Variants in ZNF16 observed in about 807,000 individuals in gnomAD.
ZNF16 encodes the protein zinc finger protein KOX9.
In ZNF16, 7 loss-of-function variants were observed where a neutral mutation model predicts 9.0. The observed-to-expected ratio is 0.78, with a 90% CI of 0.44 to 1.47. ZNF16 has a LOEUF of 1.47. Among genes scored for constraint, ZNF16 ranks in the 40% most tolerant of loss-of-function variants. ZNF16 has a pLI of 0.01. For missense variants in ZNF16, 830 were observed against 854.2 expected (o/e 0.97, Z 0.35); for synonymous variants, 312 against 301.5 (o/e 1.03, Z -0.36).
In ZNF16 at chr8:144,933,539, G is replaced by A. The variant is rs754933074; in HGVS notation, c.197-949C>T. On this transcript the variant is annotated intron_variant, in intron 2 of 2. Transcript: ENST00000394909. This position sits in a 1 kb window ranked among gnomAD's most constrained non-coding sequence, Gnocchi z 5.6. ...TCCCTTACTCAAATGAAGATGTCAC[G>A]AGTCTCTCATTCAAACTGACATCCC... Among the ~76,000 whole-genome samples the A allele has an allele frequency of 6.6e-6, 1 of 152,018 alleles. No homozygotes were observed. The highest frequency in any genetic ancestry group is 1.9e-4 in the East Asian group (1 of 5,186).
Position 144,931,107 on chromosome 8 carries a change from G to A in ZNF16, c.1680C>T (p.Leu560=). 6.2e-7 allele frequency: 1 copy of A among 1,614,244 alleles called. No individual in the cohort carries two copies. Among genetic ancestry groups the A allele is most frequent in the Non-Finnish European group, 8.5e-7 (1 of 1,180,036 alleles). Residue 560 remains leucine, a synonymous_variant, in exon 3 of 3, where the codon CTC becomes CTT. Transcript: ENST00000394909. ...CATTATGAATCCTCTGATGCTGAAT[G>A]AGGGTTGAGCTCTGGCTGAAGGTTT... ...CGKTFSQSST[L]IQHQRIHNGL...
At chr8:144,944,052 T>C (rs995453077) in intron 2 of ZNF16, 2 of 150,584 alleles carry the variant, frequency 1.3e-5, no homozygotes, top group Admixed American at 6.6e-5. Flanking sequence ...TAGTTCTCTA[T>C]GGTTTTTTTT....
chr8:144,943,972 T>C (rs1199968363), intron 2 of ZNF16: 2 of 152,326 alleles, frequency 1.3e-5, no homozygotes, highest in East Asian at 3.9e-4. Flanking sequence ...AGACTTTCTA[T>C]GTTTCTTTTA....
At chr8:144,949,379 C>T (rs1834036708) in intron 1 of ZNF16, among the ~76,000 whole-genome samples, 2 of 152,248 alleles carry the variant, frequency 1.3e-5, no homozygotes, top group Non-Finnish European at 2.9e-5. Context: ...TCTCATGGAA[C>T]ACCAGGAACC....
At chr8:144,941,972 T>C (rs193300551) in intron 2 of ZNF16, among the ~76,000 whole-genome samples, 2,619 of 145,654 alleles carry the variant, frequency 0.018, 37 homozygotes, top group Middle Eastern at 0.037. Context: ...TGTCCATTTT[T>C]AAGATTTTTT....
Position 144,939,466 on chromosome 8 carries a change from C to T in ZNF16, c.196+6545G>A, listed in dbSNP as rs558512655. Reference sequence around the variant, plus strand: ...AAAAAATTAGCTGGGCATAGTGGCACGTGCCTGTAGTCCCAGCTACTCAGG... The same window carrying T: ...AAAAAATTAGCTGGGCATAGTGGCATGTGCCTGTAGTCCCAGCTACTCAGG... On this transcript the variant is annotated intron_variant, in intron 2 of 2. Coordinates refer to ENST00000394909, the MANE Select transcript of ZNF16 (RefSeq NM_006958.3). Among the ~76,000 whole-genome samples, 874 of 152,004 alleles carry T rather than the reference C, an allele frequency of 5.7e-3. 5 individuals carry two copies. The highest frequency in any genetic ancestry group is 0.03 in the South Asian group (144 of 4,808).
In ZNF16 at chr8:144,931,548, G is replaced by A; in HGVS notation, c.1239C>T (p.Pro413=). The stretch of plus-strand genomic sequence containing the variant: ...TAATGAGGTTGGAGACCCGACTGAA[G>A]GGCTTGCCACAATCATTACACTCAT... ...KPYECNDCGK[P]FSRVSNLIKH... is the part of the protein sequence containing the mutation. Residue 413 remains proline (P), a synonymous_variant, in exon 3 of 3, where the codon CCC becomes CCT. Coordinates refer to ENST00000394909, the MANE Select transcript of ZNF16 (RefSeq NM_006958.3). 6.2e-7 allele frequency: 1 copy of A among 1,614,026 alleles called. No homozygotes were observed. The highest frequency in any genetic ancestry group is 8.5e-7 in the Non-Finnish European group (1 of 1,180,012).
chr8:144,936,644 A>C (rs905881252), intron 2 of ZNF16, among the ~76,000 whole-genome samples: 3 of 152,164 alleles, frequency 2.0e-5, no homozygotes, highest in African/African-American at 7.2e-5. Context: ...AATGATGTTA[A>C]GCATCTTTTC....
At chr8:144,946,514 A>AGGGTCTGTGTCCTGCTGTG (rs1833932078) in intron 1 of ZNF16, among the ~76,000 whole-genome samples, 2 of 148,808 alleles carry the variant, frequency 1.3e-5, no homozygotes, top group African/African-American at 5.0e-5. Context: ...CAGCCCCCAC[A>AGGGTCTGTGTCCTGCTGTG]GGGTCTGTGT....
chr8:144,937,137 C>CTTTTTTTTTTTTTTTTTTTT lies in ZNF16; in HGVS notation c.197-4548_197-4547insAAAAAAAAAAAAAAAAAAAA, dbSNP rs1554659152. Among the ~76,000 whole-genome samples the CTTTTTTTTTTTTTTTTTTTT allele has an allele frequency of 4.4e-5, 5 of 112,992 alleles. 2 individuals are homozygous for CTTTTTTTTTTTTTTTTTTTT. The highest frequency in any genetic ancestry group is 7.7e-5 in the Non-Finnish European group (4 of 52,030). 74.1% of individuals were successfully genotyped at this position (112,992 alleles called of 152,430 possible). On this transcript the variant is annotated intron_variant, in intron 2 of 2. Transcript: ENST00000394909. The stretch of plus-strand genomic sequence containing the variant: ...GCAGGATGCTTTTTTCACTTTCTTT[C>CTTTTTTTTTTTTTTTTTTTT]TCTCTCTTTTTTTTTTTTTTTTTTT...
At chr8:144,937,136 TCTC>T (rs1833701006) in intron 2 of ZNF16, among the ~76,000 whole-genome samples, 1 of 119,884 alleles carries the variant, frequency 8.3e-6, no homozygotes, top group Admixed American at 8.2e-5. Flanking sequence ...TCACTTTCTT[TCTC>T]TCTCTTTTTT....
chr8:144,931,313 T>G lies in ZNF16; in HGVS notation c.1474A>C (p.Ser492Arg). Residue 492 changes from serine to arginine, a missense_variant, in exon 3 of 3, where the codon AGT becomes CGT. By Grantham distance (110) the Ser-to-Arg change is moderately radical. Transcript: ENST00000394909. ...TGGCTGAAGGCCTTCCCACAGACAC[T>G]GCATCTGTACGGCTTCTCTCCCGTG... Reference protein sequence around the residue: ...IHTGEKPYRCSVCGKAFSHSS... With the variant: ...IHTGEKPYRCRVCGKAFSHSS... The G allele has an allele frequency of 6.2e-7, 1 of 1,614,222 alleles. No individual in the cohort carries two copies. Among genetic ancestry groups the G allele is most frequent in the Non-Finnish European group, 8.5e-7 (1 of 1,180,024 alleles).
chr8:144,932,360 G>T lies in ZNF16; in HGVS notation c.427C>A (p.Leu143Ile), dbSNP rs752166291. 5 of 1,614,174 alleles carry T rather than the reference G, an allele frequency of 3.1e-6. No homozygotes were observed. The highest frequency in any genetic ancestry group is 3.4e-6 in the Non-Finnish European group (4 of 1,180,028). ...EGDFTPAAMGLLRGPLGEKDL... is the reference protein window; with the variant it reads ...EGDFTPAAMGILRGPLGEKDL... ...TTCTCCCCTAAGGGGCCCCTAAGGA[G>T]CCCCATGGCAGCTGGTGTGAAGTCC... Residue 143 changes from leucine to isoleucine, a missense_variant, in exon 3 of 3, where the codon CTC (leucine) becomes ATC (isoleucine). Transcript: ENST00000394909. This position sits in a 1 kb window ranked among gnomAD's most constrained non-coding sequence, Gnocchi z 5.0.
chr8:144,950,683 C>T (rs1834094448), intron 1 of ZNF16, 114 bp downstream of exon 1: 1 of 151,682 alleles, frequency 6.6e-6, no homozygotes, highest in Non-Finnish European at 1.5e-5. Context: ...CCCGGGGTCC[C>T]CAGCTCGCTG....
intron 1 of ZNF16, 87 bp from the exon 2 acceptor site, chr8:144,946,302 A>C (rs1586959675): frequency 7.9e-7 from 1 of 1,269,288 alleles, no homozygotes; most frequent in Non-Finnish European, 1.0e-6. Context: ...CTCTTCCTCC[A>C]CCCCTGCAGC....
intron 2 of ZNF16, among the ~76,000 whole-genome samples, chr8:144,937,967 C>T (rs975484515): frequency 1.3e-5 from 2 of 152,174 alleles, no homozygotes; most frequent in African/African-American, 2.4e-5. Flanking sequence ...CACATCCGGC[C>T]CCAACTTCAT....
At position 144,933,172 on chromosome 8, in the gene ZNF16, C is replaced by G. The variant is rs1563919675; in HGVS notation, c.197-582G>C. On this transcript the variant is annotated intron_variant, in intron 2 of 2. Coordinates refer to ENST00000394909, the MANE Select transcript of ZNF16 (RefSeq NM_006958.3). This position sits in a 1 kb window ranked among gnomAD's most constrained non-coding sequence, Gnocchi z 5.6. ...GTGTGGAGAGAGACCCCGTTGTACA[C>G]AGAGAAGAAACCCAGCTGGCTCTCA... Among the ~76,000 whole-genome samples, 1 of 152,166 alleles carries G rather than the reference C, an allele frequency of 6.6e-6. No individual in the cohort carries two copies. The highest frequency in any genetic ancestry group is 2.4e-5 in the African/African-American group (1 of 41,424).
At chr8:144,942,259 T>G (rs1033317240) in intron 2 of ZNF16, among the ~76,000 whole-genome samples, 86 of 151,616 alleles carry the variant, frequency 5.7e-4, no homozygotes, top group Non-Finnish European at 8.1e-4. Flanking sequence ...ATTACAGGCA[T>G]GAGCCACCAT....
intron 2 of ZNF16, among the ~76,000 whole-genome samples, chr8:144,943,527 CTTT>C (rs1253537154): frequency 6.7e-6 from 1 of 148,422 alleles, no homozygotes; most frequent in Admixed American, 6.7e-5. Flanking sequence ...TTTCTTTTTT[CTTT>C]TTTTTTTGAG....
Sources: gnomAD v4.1 joint callset for allele counts (sites outside exome capture counted in the v4.1 genomes callset) on GRCh38, gnomAD v4.1.1 for gene constraint, Gnocchi (gnomAD v3.1) non-coding constraint, MANE v1.5 for transcripts, NCBI Gene and HGNC (gene_info 2026-07-23, HGNC 2026-07-21) for gene names.